KLHL4: variants seen among roughly 807,000 people sequenced by gnomAD.
The protein encoded by KLHL4 is kelch like family member 4, also known as kelch-like protein 4.
In KLHL4, 17 loss-of-function variants were observed where a neutral mutation model predicts 45.8. The ratio of observed to expected loss-of-function variants is 0.37; its 90% confidence interval spans 0.25 to 0.56. The LOEUF is 0.56. Among genes scored for constraint, KLHL4 ranks in the 20% least tolerant of loss-of-function variants. The probability of loss-of-function intolerance (pLI) is 0.79; values close to 1 mark genes in which losing one functional copy is unlikely to be tolerated. For missense variants in KLHL4, 544 were observed against 544.9 expected, an observed-to-expected ratio of 1.00 and a Z score of 0.02; for synonymous variants, 224 against 189.9, an observed-to-expected ratio of 1.18 and a Z score of -1.47.
At chrX:87,644,328 C>G (rs1365740470) in intron 9 of KLHL4, among the ~76,000 whole-genome samples, 1 of 110,860 alleles carries the variant, frequency 9.0e-6, no homozygotes, top group Non-Finnish European at 1.9e-5. Context: ...AAATAAAATA[C>G]TTAGGAATAT....
intron 1 of KLHL4, among the ~76,000 whole-genome samples, chrX:87,589,832 A>G (rs1231026355): frequency 9.3e-6 from 1 of 108,051 alleles, no homozygotes; most frequent in Non-Finnish European, 1.9e-5. Flanking sequence ...GAGTTCAAGA[A>G]CAGCCTGATG....
intron 1 of KLHL4, among the ~76,000 whole-genome samples, chrX:87,523,604 T>C (rs897780084): frequency 9.0e-6 from 1 of 111,702 alleles, no homozygotes; most frequent in Non-Finnish European, 1.9e-5. Context: ...GGAAGTACTA[T>C]TGGATTGCAA....
intron 9 of KLHL4, among the ~76,000 whole-genome samples, chrX:87,641,172 G>A (rs1305764810): frequency 9.0e-6 from 1 of 111,617 alleles, no homozygotes; most frequent in Non-Finnish European, 1.9e-5. Flanking sequence ...ACCATCTGAA[G>A]AAAACTAACT....
rs775304748 is a variant in KLHL4 at position 87,666,230 on chromosome X, A to G, written c.2098-245A>G. Among the ~76,000 whole-genome samples the G allele has an allele frequency of 4.5e-5, 5 of 111,086 alleles. No individual in the cohort carries two copies. The South Asian group carries it at 1.1e-3, about 25-fold the overall frequency. On this transcript the variant is annotated intron_variant, in intron 10 of 10. Transcript: ENST00000373119. ...TTGGTGTAATTTTTCAAGTGAGAAT[A>G]TTATCAGAGAGATGAAATTTACTTA...
chrX:87,588,324 C>T, intron 1 of KLHL4, among the ~76,000 whole-genome samples: 1 of 111,775 alleles, frequency 8.9e-6, no homozygotes, highest in African/African-American at 3.2e-5. Context: ...CCACTACAGA[C>T]CCTGAATAGC....
At chrX:87,534,651 A>C (rs1931391912) in intron 1 of KLHL4, among the ~76,000 whole-genome samples, 1 of 111,280 alleles carries the variant, frequency 9.0e-6, no homozygotes, top group South Asian at 3.8e-4. Context: ...TTCATAATAA[A>C]GTTGGAATAA....
rs891369492 is a variant in KLHL4 at position 87,625,657 on chromosome X, G to A, written c.1185G>A (p.Glu395=). 3.3e-6 allele frequency: 4 copies of A among 1,206,608 alleles called. No individual in the cohort carries two copies. In the African/African-American group the frequency reaches 5.3e-5, roughly 16 times the overall value. ...ETSSMFTGDL[E]CQKLLMEAMK... is the part of the protein sequence containing the mutation. ...GTTCCATGTTTACTGGTGATCTTGAGTGTCAGAAGCTCCTGATGGAAGCTA... is the reference window on the plus strand; with the variant it reads ...GTTCCATGTTTACTGGTGATCTTGAATGTCAGAAGCTCCTGATGGAAGCTA... The change falls in exon 6 of 11, where the codon GAG becomes GAA. Residue 395 remains glutamate, a synonymous_variant. Coordinates refer to ENST00000373119, the MANE Select transcript of KLHL4 (RefSeq NM_019117.5).
chrX:87,626,876 C>T (rs999457789), intron 6 of KLHL4, among the ~76,000 whole-genome samples: 1 of 111,020 alleles, frequency 9.0e-6, no homozygotes, highest in African/African-American at 3.3e-5. Flanking sequence ...GAGTGAGGTG[C>T]GATAAAAAGA....
intron 1 of KLHL4, among the ~76,000 whole-genome samples, chrX:87,610,088 A>G (rs1922322913): frequency 9.0e-6 from 1 of 111,717 alleles, no homozygotes; most frequent in Non-Finnish European, 1.9e-5. Flanking sequence ...TAATCTTATC[A>G]TAGATGCCTT....
rs1853088 is a variant in KLHL4 at position 87,640,455 on chromosome X, A to T, written c.1925+4680A>T. 3.3e-3 allele frequency among the ~76,000 whole-genome samples: 372 copies of T among 112,020 alleles called. 2 individuals carry two copies. The highest frequency in any genetic ancestry group is 5.3e-3 in the Non-Finnish European group (281 of 53,184). On this transcript the variant is annotated intron_variant, in intron 9 of 10. Transcript: ENST00000373119. ...AAAAATTCTCAACACAATACTAGTT[A>T]ACAGAATCCAACAACATGTCAAAAA...
intron 7 of KLHL4, among the ~76,000 whole-genome samples, chrX:87,633,117 T>A (rs1303430937): frequency 9.0e-6 from 1 of 111,400 alleles, no homozygotes; most frequent in Non-Finnish European, 1.9e-5. Flanking sequence ...ATAATTGATA[T>A]TAGCAAATAG....
chrX:87,658,906 T>C (rs1328072625), intron 9 of KLHL4, among the ~76,000 whole-genome samples: 2 of 111,106 alleles, frequency 1.8e-5, no homozygotes, highest in Admixed American at 9.6e-5. Context: ...TCTTCTTGCT[T>C]ACAATACTGT....
chrX:87,665,628 A>C (rs1602473414), intron 10 of KLHL4, among the ~76,000 whole-genome samples: 1 of 111,875 alleles, frequency 8.9e-6, no homozygotes, highest in East Asian at 2.8e-4. Context: ...AAAATATTTA[A>C]TACTTTGTCA....
At chrX:87,621,649 C>A (rs1293347412) in intron 4 of KLHL4, among the ~76,000 whole-genome samples, 4 of 111,087 alleles carry the variant, frequency 3.6e-5, no homozygotes, top group Non-Finnish European at 7.5e-5. Flanking sequence ...TAGATTGTTA[C>A]CAACTGCAAA....
At chrX:87,613,108 A>G (rs1006365132) in intron 1 of KLHL4, among the ~76,000 whole-genome samples, 1 of 111,815 alleles carries the variant, frequency 8.9e-6, no homozygotes, top group South Asian at 3.7e-4. Context: ...GGGAGTGAGG[A>G]GATCTAAAAC....
At chrX:87,536,044 C>G (rs942997989) in intron 1 of KLHL4, among the ~76,000 whole-genome samples, 3 of 110,900 alleles carry the variant, frequency 2.7e-5, no homozygotes, top group Non-Finnish European at 3.8e-5. Flanking sequence ...AACCTCTTCT[C>G]TTTATAAATT....
At chrX:87,582,758 C>T (rs1025687981) in intron 1 of KLHL4, among the ~76,000 whole-genome samples, 2 of 111,465 alleles carry the variant, frequency 1.8e-5, no homozygotes, top group Non-Finnish European at 3.8e-5. Context: ...AGAATGGAGC[C>T]GCAGGCCTTC....
chrX:87,584,659 ACAGT>A (rs1921398940), intron 1 of KLHL4, among the ~76,000 whole-genome samples: 1 of 110,582 alleles, frequency 9.0e-6, no homozygotes, highest in Admixed American at 9.7e-5. Context: ...TTGAAAATAC[ACAGT>A]CAGAAAAGAC....
chrX:87,664,483 C>A (rs6652464), intron 9 of KLHL4, among the ~76,000 whole-genome samples: 2,373 of 111,564 alleles, frequency 0.021, 67 homozygotes, highest in African/African-American at 0.073. Flanking sequence ...ATGCCAGGAT[C>A]ACAATATGTG....
Sources: gnomAD v4.1 joint callset for allele counts (sites outside exome capture counted in the v4.1 genomes callset) on GRCh38, gnomAD v4.1.1 for gene constraint, MANE v1.5 for transcripts, NCBI Gene and HGNC (gene_info 2026-07-23, HGNC 2026-07-21) for gene names.